USP35: variants seen among roughly 807,000 people sequenced by gnomAD.
USP35 encodes ubiquitin carboxyl-terminal hydrolase 35.
Under a neutral mutation model 83.8 loss-of-function variants are expected in USP35, and 69 were observed. The ratio of observed to expected loss-of-function variants is 0.82; its 90% CI spans 0.68 to 1.01. USP35 has a LOEUF of 1.01. USP35 is among the 50% of genes least tolerant of loss of function. The probability of loss-of-function intolerance (pLI) is 0.00; values close to 1 mark genes in which losing one functional copy is unlikely to be tolerated. For missense variants in USP35, 1,503 were observed against 1,362.5 expected (o/e 1.10, Z -1.62); for synonymous variants, 714 against 589.5 (o/e 1.21, Z -3.06).
At chr11:78,233,040 GTT>G in the USP35 span, among the ~76,000 whole-genome samples, 322 of 131,910 alleles carry the variant, frequency 2.4e-3, 3 homozygotes, top group South Asian at 3.9e-3. Context: ...GCACTGTTAA[GTT>G]TTTTTTTTTT....
the USP35 span, among the ~76,000 whole-genome samples, chr11:78,229,962 T>C: frequency 6.6e-6 from 1 of 152,222 alleles, no homozygotes; most frequent in African/African-American, 2.4e-5. Flanking sequence ...ACTTAATCAC[T>C]TGCTTAACTT....
Position 78,210,354 on chromosome 11 carries a change from C to T in USP35, c.2499C>T (p.Leu833=), listed in dbSNP as rs1210746130. The change falls in exon 10 of 11, where the codon CTC becomes CTT. Residue 833 remains leucine (L), a synonymous_variant. Coordinates refer to ENST00000529308, the MANE Select transcript of USP35 (RefSeq NM_020798.4). ...ATGACGTCTCCATCCCCCTGCTGCT[C>T]CGCCTGCCACTGGCTGGTGGCCGTG... ...ILDDVSIPLL[L]RLPLAGGRGQ... 1.2e-6 allele frequency: 2 copies of T among 1,613,098 alleles called. No individual in the cohort carries two copies. Among genetic ancestry groups the T allele is most frequent in the African/African-American group, 1.3e-5 (1 of 75,082 alleles).
At chr11:78,235,737 G>T in the USP35 span, among the ~76,000 whole-genome samples, 4 of 152,100 alleles carry the variant, frequency 2.6e-5, no homozygotes, top group East Asian at 7.7e-4. Context: ...GACCACCTTA[G>T]CCTGGACCTT....
chr11:78,226,835 C>T, the USP35 span: 1 of 1,614,008 alleles, frequency 6.2e-7, no homozygotes. Flanking sequence ...TGAGGCTGCC[C>T]TTGGTGTGGC....
chr11:78,201,731 G>T (rs934438799), intron 6 of USP35, among the ~76,000 whole-genome samples: 6 of 152,162 alleles, frequency 3.9e-5, no homozygotes, highest in African/African-American at 1.2e-4. Context: ...AGATGATACG[G>T]TTCATTTCAA....
chr11:78,220,185 T>A (rs1277951373), downstream of USP35: 1 of 843,512 alleles, frequency 1.2e-6, no homozygotes, highest in Non-Finnish European at 1.9e-6. Context: ...TAAAGATGCA[T>A]CATAAAAGCT....
Position 78,210,600 on chromosome 11 carries a change from G to A in USP35, c.2745G>A (p.Lys915=), listed in dbSNP as rs142297739. ...SVSNVTSFFP[K]DTAYVLFYRQ... Reference sequence around the variant, plus strand: ...GCAACGTCACCTCCTTCTTCCCTAAGGACACAGCCTATGTGCTGTTTTACC... The same window carrying A: ...GCAACGTCACCTCCTTCTTCCCTAAAGACACAGCCTATGTGCTGTTTTACC... The change falls in exon 10 of 11, where the codon AAG becomes AAA. Residue 915 remains lysine, a synonymous_variant. Coordinates refer to ENST00000529308, the MANE Select transcript of USP35 (RefSeq NM_020798.4). The A allele has an allele frequency of 1.2e-4, 186 of 1,614,180 alleles. No individual in the cohort carries two copies. The East Asian group carries it at 3.2e-3, about 28-fold the overall frequency.
At chr11:78,222,554 TA>T in the USP35 span, among the ~76,000 whole-genome samples, 1 of 148,378 alleles carries the variant, frequency 6.7e-6, no homozygotes, top group Non-Finnish European at 1.5e-5. Context: ...TTAATATTTA[TA>T]AAAATATATA....
chr11:78,220,572 G>T, the USP35 span: 1 of 681,784 alleles, frequency 1.5e-6, no homozygotes, highest in Non-Finnish European at 2.3e-6. Context: ...CCATGCTAAG[G>T]ACTTTTCATG....
the USP35 span, chr11:78,223,283 G>A: frequency 1.4e-6 from 1 of 697,358 alleles, no homozygotes; most frequent in East Asian, 3.0e-5. Flanking sequence ...TAAGAAAACT[G>A]AGACTCAGAT....
Position 78,213,923 on chromosome 11 carries a change from C to CTTAG in USP35, c.*112_*115dup. ...GGAAGGATGGTACAGCTCATGGCAC[C>CTTAG]TTAGTCCTCAGCCTGATGAAGGGTA... On this transcript the variant is annotated 3_prime_UTR_variant, in exon 11 of 11. Coordinates refer to ENST00000529308, the MANE Select transcript of USP35 (RefSeq NM_020798.4). 1 of 1,266,564 alleles carries CTTAG rather than the reference C, an allele frequency of 7.9e-7. No homozygotes were observed. Among genetic ancestry groups the CTTAG allele is most frequent in the Non-Finnish European group, 1.1e-6 (1 of 943,628 alleles). The allele number at this position is 1,266,564 out of a possible 1,614,324, so 78.5% of individuals were successfully genotyped here.
intron 8 of USP35, among the ~76,000 whole-genome samples, 168 bp from the exon 9 acceptor site, chr11:78,208,689 T>A (rs1863612589): frequency 6.6e-6 from 1 of 152,126 alleles, no homozygotes; most frequent in South Asian, 2.1e-4. Context: ...CGTGGACATG[T>A]GGGCTGGGTT....
intron 7 of USP35, 114 bp downstream of exon 7, chr11:78,206,149 A>G (rs1863524771): frequency 1.5e-6 from 2 of 1,313,106 alleles, no homozygotes; most frequent in Admixed American, 2.1e-5. Context: ...CTTGCTTTGC[A>G]TTGCCAGCAT....
intron 3 of USP35, 177 bp from the exon 4 acceptor site, chr11:78,199,418 G>C (rs2137033615): frequency 1.1e-6 from 1 of 922,478 alleles, no homozygotes; most frequent in Non-Finnish European, 1.6e-6. Flanking sequence ...GCAGGTGGCT[G>C]TGCTGGGCTT....
the USP35 span, among the ~76,000 whole-genome samples, chr11:78,229,887 A>C: frequency 6.6e-6 from 1 of 152,260 alleles, no homozygotes; most frequent in Admixed American, 6.5e-5. Context: ...TTATCCTTCA[A>C]ACTCATCTCA....
At chr11:78,234,038 C>T in the USP35 span, among the ~76,000 whole-genome samples, 1 of 152,102 alleles carries the variant, frequency 6.6e-6, no homozygotes, top group Non-Finnish European at 1.5e-5. Flanking sequence ...AAAATCTTTG[C>T]TTACCTCAAG....
chr11:78,192,887 CTACTCTTTCTAG>C (rs1863044732), intron 1 of USP35, among the ~76,000 whole-genome samples: 1 of 152,214 alleles, frequency 6.6e-6, no homozygotes, highest in African/African-American at 2.4e-5. Flanking sequence ...GATACTCTTT[CTACTCTTTCTAG>C]TACTCTTTCT....
chr11:78,235,243 C>T, the USP35 span, among the ~76,000 whole-genome samples: 1 of 151,924 alleles, frequency 6.6e-6, no homozygotes, highest in Admixed American at 6.6e-5. Flanking sequence ...AGCTCCGCCT[C>T]CCGGGTTCAC....
chr11:78,195,834 G>A (rs1217197774), intron 1 of USP35, among the ~76,000 whole-genome samples: 3 of 152,270 alleles, frequency 2.0e-5, no homozygotes, highest in Admixed American at 1.3e-4. Context: ...AGGCCCAAGC[G>A]AGCCTCCCAC....
Sources: allele counts gnomAD v4.1 joint callset (sites outside exome capture counted in the v4.1 genomes callset), GRCh38; gene constraint gnomAD v4.1.1; transcripts MANE v1.5; gene names NCBI Gene and HGNC (gene_info 2026-07-23, HGNC 2026-07-21).